Variants in GPATCH8 observed in about 807,000 individuals in gnomAD.
GPATCH8 encodes G patch domain-containing protein 8.
GPATCH8 carries 18 observed loss-of-function variants against 118.3 expected under a neutral mutation model. That is an observed-to-expected ratio of 0.15 (90% CI 0.11 to 0.23). The LOEUF is 0.23. Ranked by LOEUF, GPATCH8 falls within the 10% of genes least tolerant of loss-of-function variation. The probability of loss-of-function intolerance (pLI) is 1.00; values close to 1 mark genes in which losing one functional copy is unlikely to be tolerated. For synonymous variants in GPATCH8, 659 were observed against 684.7 expected, an observed-to-expected ratio of 0.96 and a Z score of 0.59; for missense variants, 1,631 against 1,873.8, an observed-to-expected ratio of 0.87 and a Z score of 2.39.
rs748630793 is a variant in GPATCH8 at position 44,395,529 on chromosome 17, T to C, written c.*2039A>G. 2 of 454,490 alleles carry C rather than the reference T, an allele frequency of 4.4e-6. No individual in the cohort carries two copies. The highest frequency in any genetic ancestry group is 3.1e-5 in the South Asian group (2 of 64,470). The allele number at this position is 454,490 out of a possible 1,614,324, so 28.2% of individuals were successfully genotyped here. ...GCACGAAAATGTTAATACTGTATTA[T>C]TTATTTACATGGGCTGAAAGCAAAG... On this transcript the variant is annotated 3_prime_UTR_variant, in exon 8 of 8. Transcript: ENST00000591680.
chr17:44,428,666 G>A (rs1471764703), intron 5 of GPATCH8, among the ~76,000 whole-genome samples: 2 of 152,068 alleles, frequency 1.3e-5, no homozygotes, highest in East Asian at 3.9e-4. Context: ...AGCTGGGTGT[G>A]GTGGCATGCA....
rs145593760 is a variant in GPATCH8, at chr17:44,398,644, G to T, written c.3433C>A (p.Leu1145Ile). Reference protein sequence around the residue: ...LPPSLGNKPVLPLIGKLPATR... With the variant: ...LPPSLGNKPVIPLIGKLPATR... ...GCTGGGAGCTTCCCTATCAGTGGAA[G>T]GACAGGCTTATTGCCAAGAGATGGG... is the stretch of plus-strand genomic sequence containing the variant. Residue 1145 changes from leucine to isoleucine, a missense_variant, in exon 8 of 8, where the codon CTT becomes ATT. Coordinates refer to ENST00000591680, the MANE Select transcript of GPATCH8 (RefSeq NM_001002909.4). The T allele has an allele frequency of 4.8e-4, 751 of 1,554,868 alleles. 1 individual carries two copies. The highest frequency in any genetic ancestry group is 6.3e-4 in the Non-Finnish European group (726 of 1,152,192).
intron 2 of GPATCH8, chr17:44,464,948 A>ATGTT: frequency 5.3e-6 from 1 of 190,350 alleles, no homozygotes; most frequent in South Asian, 1.0e-4. Flanking sequence ...TTTTTTTTTA[A>ATGTT]AGAAAATCTA....
intron 2 of GPATCH8, among the ~76,000 whole-genome samples, chr17:44,468,053 G>A (rs1966942013): frequency 6.6e-6 from 1 of 150,904 alleles, no homozygotes; most frequent in African/African-American, 2.4e-5. Context: ...TCAGGCTGGA[G>A]TGTAACGGCA....
intron 5 of GPATCH8, among the ~76,000 whole-genome samples, chr17:44,434,008 G>A (rs1461178811): frequency 1.3e-5 from 2 of 151,794 alleles, no homozygotes; most frequent in African/African-American, 4.8e-5. Context: ...GGCCGTGGTG[G>A]CTCATACCTG....
At chr17:44,404,877 A>G (rs1379712300) in intron 7 of GPATCH8, among the ~76,000 whole-genome samples, 4 of 152,196 alleles carry the variant, frequency 2.6e-5, no homozygotes, top group African/African-American at 9.7e-5. Flanking sequence ...AGTTGATCTC[A>G]TAGAAGTAAA....
In GPATCH8 at chr17:44,401,365, T is replaced by A; in HGVS notation, c.712A>T (p.Asn238Tyr). The A allele has an allele frequency of 6.2e-7, 1 of 1,613,088 alleles. No homozygotes were observed. The highest frequency in any genetic ancestry group is 8.5e-7 in the Non-Finnish European group (1 of 1,179,328). The change falls in exon 8 of 8, where the codon AAT (asparagine) becomes TAT (tyrosine). Residue 238 changes from asparagine to tyrosine, a missense_variant. Physicochemically the swap from Asn to Tyr is moderately radical, Grantham distance 143 (BLOSUM62 -2). Coordinates refer to ENST00000591680, the MANE Select transcript of GPATCH8 (RefSeq NM_001002909.4). ...GEDDKDESAT[N>Y]SGTGATASCG... ...GAAGCAGTGGCACCTGTGCCACTAT[T>A]TGTAGCTGATTCATCTTTATCATCT...
intron 3 of GPATCH8, among the ~76,000 whole-genome samples, chr17:44,437,143 CAATT>C (rs1210718807): frequency 6.6e-6 from 1 of 152,046 alleles, no homozygotes; most frequent in Non-Finnish European, 1.5e-5. Context: ...TAAAAAGAAA[CAATT>C]AGTTGCCCTT....
At chr17:44,445,208 G>T (rs1844442434) in intron 3 of GPATCH8, among the ~76,000 whole-genome samples, 1 of 152,078 alleles carries the variant, frequency 6.6e-6, no homozygotes, top group Non-Finnish European at 1.5e-5. Context: ...AAATACTAAA[G>T]AACTTACATT....
intron 1 of GPATCH8, among the ~76,000 whole-genome samples, chr17:44,502,363 T>G (rs1344084357): frequency 8.3e-5 from 3 of 36,266 alleles, no homozygotes; most frequent in East Asian, 7.5e-4. Flanking sequence ...TGCAGTGTTT[T>G]TTTTTTTTTT....
chr17:44,400,149 T>C lies in GPATCH8; in HGVS notation c.1928A>G (p.Asn643Ser), dbSNP rs1357991025. The C allele has an allele frequency of 6.2e-7, 1 of 1,613,942 alleles. No individual in the cohort carries two copies. Among genetic ancestry groups the C allele is most frequent in the East Asian group, 2.2e-5 (1 of 44,870 alleles). The change falls in exon 8 of 8, where the codon AAC becomes AGC. Residue 643 changes from asparagine (N) to serine (S), a missense_variant. By Grantham distance (46) the Asn-to-Ser change is conservative (BLOSUM62 1). This residue lies in a region of GPATCH8 where 922 missense variants were observed against 879.7 expected (regional missense o/e 1.05). Coordinates refer to ENST00000591680, the MANE Select transcript of GPATCH8 (RefSeq NM_001002909.4). ...PASGSACSGL[N>S]KQEPGGSHGS... ...ATGGCTACCCCCAGGCTCCTGCTTGTTCAGGCCGCTACAGGCAGACCCTGA... is the reference window on the plus strand; with the variant it reads ...ATGGCTACCCCCAGGCTCCTGCTTGCTCAGGCCGCTACAGGCAGACCCTGA...
At chr17:44,488,569 C>A (rs1359434912) in intron 1 of GPATCH8, among the ~76,000 whole-genome samples, 5 of 150,094 alleles carry the variant, frequency 3.3e-5, no homozygotes, top group Non-Finnish European at 5.9e-5. Flanking sequence ...CGGGGTTTCA[C>A]CATGTTGGCC....
intron 6 of GPATCH8, among the ~76,000 whole-genome samples, chr17:44,406,500 G>T (rs1419615134): frequency 7.7e-6 from 1 of 129,084 alleles, no homozygotes; most frequent in African/African-American, 2.9e-5. Context: ...CTTACATGGG[G>T]GGGGGGGGTT....
rs773060282 is a variant in GPATCH8 at position 44,397,081 on chromosome 17, C to T, written c.*487G>A. 1.1e-5 allele frequency: 5 copies of T among 454,456 alleles called. No individual in the cohort carries two copies. Among genetic ancestry groups the T allele is most frequent in the South Asian group, 7.8e-5 (5 of 64,474 alleles). 28.2% of individuals were successfully genotyped at this position (454,456 alleles called of 1,614,324 possible). ...CACCAAAGATGGTCAAAGATACTAC[C>T]CCAAAATGGTGGCACTTCCACCACT... On this transcript the variant is annotated 3_prime_UTR_variant, in exon 8 of 8. Transcript: ENST00000591680.
chr17:44,421,290 G>A (rs908510053), intron 6 of GPATCH8, among the ~76,000 whole-genome samples: 2 of 151,542 alleles, frequency 1.3e-5, no homozygotes, highest in African/African-American at 4.8e-5. Context: ...GCAGTGAGCC[G>A]AGATCGCGCC....
In GPATCH8 at chr17:44,477,621, T is replaced by C. The variant is rs1477318241; in HGVS notation, c.46-2718A>G. 3.3e-5 allele frequency among the ~76,000 whole-genome samples: 5 copies of C among 149,876 alleles called. No homozygotes were observed. In the South Asian group the frequency reaches 6.3e-4, roughly 19 times the overall value. On this transcript the variant is annotated intron_variant, in intron 1 of 7. Coordinates refer to ENST00000591680, the MANE Select transcript of GPATCH8 (RefSeq NM_001002909.4). ...TAAAAATAATAAAAATAAAATTGTATGGCAAAGTCTATCCAAATAAAGAAA... is the reference window on the plus strand; with the variant it reads ...TAAAAATAATAAAAATAAAATTGTACGGCAAAGTCTATCCAAATAAAGAAA...
intron 6 of GPATCH8, among the ~76,000 whole-genome samples, chr17:44,412,725 C>CTCGACCACTAA (rs2143776175): frequency 6.6e-6 from 1 of 152,312 alleles, no homozygotes; most frequent in South Asian, 2.1e-4. Flanking sequence ...TGTGTTGTAT[C>CTCGACCACTAA]TCGACCACTA....
chr17:44,423,963 G>A (rs1232166569), intron 6 of GPATCH8, among the ~76,000 whole-genome samples: 1 of 152,166 alleles, frequency 6.6e-6, no homozygotes, highest in East Asian at 1.9e-4. Flanking sequence ...GAAATCTTAT[G>A]TAGGGAACTT....
In GPATCH8 at chr17:44,396,947, A is replaced by G. The variant is rs1311981261; in HGVS notation, c.*621T>C. On this transcript the variant is annotated 3_prime_UTR_variant, in exon 8 of 8. Coordinates refer to ENST00000591680, the MANE Select transcript of GPATCH8 (RefSeq NM_001002909.4). ...CTGGGATGAGGGATACCAAGATAAC[A>G]GTGCCAAATGTGTGGCTCCGTTGAT... 2.2e-6 allele frequency: 1 copy of G among 454,118 alleles called. No individual in the cohort carries two copies. Among genetic ancestry groups the G allele is most frequent in the Admixed American group, 2.3e-5 (1 of 42,578 alleles). The allele number at this position is 454,118 out of a possible 1,614,324, so 28.1% of individuals were successfully genotyped here. A position where few individuals can be genotyped will look rare whatever the true frequency, so the allele number is the denominator to read the frequency against.
Sources: allele counts gnomAD v4.1 joint callset (sites outside exome capture counted in the v4.1 genomes callset), GRCh38; gene constraint gnomAD v4.1.1; regional missense constraint gnomAD v4.1.1; transcripts MANE v1.5; gene names NCBI Gene and HGNC (gene_info 2026-07-23, HGNC 2026-07-21).